PDE1B: variants seen among roughly 807,000 people sequenced by gnomAD.
PDE1B encodes dual specificity calcium/calmodulin-dependent 3',5'-cyclic nucleotide phosphodiesterase 1B.
A neutral mutation model predicts 66.7 loss-of-function variants in PDE1B; 13 were observed. The observed-to-expected ratio is 0.19, with a 90% CI of 0.13 to 0.31. PDE1B has a LOEUF of 0.31. Among genes scored for constraint, PDE1B ranks in the 10% least tolerant of loss-of-function variants. The pLI is 1.00. For missense variants in PDE1B, 485 were observed against 682.3 expected (o/e 0.71, Z 3.22); for synonymous variants, 230 against 253.9 (o/e 0.91, Z 0.90).
At chr12:54,576,870 T>C in intron 14 of PDE1B, 169 bp downstream of exon 14, 1 of 697,396 alleles carries the variant, frequency 1.4e-6, no homozygotes, top group Admixed American at 2.6e-5. Flanking sequence ...CTGAGTGGCC[T>C]GGAATGTTCT....
Position 54,569,733 on chromosome 12 carries a change from G to A in PDE1B, c.477+121G>A, listed in dbSNP as rs900275419. 1.6e-5 allele frequency: 11 copies of A among 678,354 alleles called. No homozygotes were observed. The highest frequency in any genetic ancestry group is 9.2e-5 in the Admixed American group (4 of 43,254). 42.0% of individuals were successfully genotyped at this position (678,354 alleles called of 1,614,324 possible). A position where few individuals can be genotyped will look rare whatever the true frequency, so the allele number is the denominator to read the frequency against. On this transcript the variant is annotated intron_variant, in intron 5 of 15. Transcript: ENST00000243052. The surrounding 1 kb of genome is among the most constrained non-coding windows in gnomAD (Gnocchi z 4.4). ...TTTTTTTTTTTTGAAATGGAGTCTC[G>A]CTCTTGTCACTCAGGCTGGAGTGCA...
In PDE1B at chr12:54,579,178, C is replaced by T; in HGVS notation, c.*1336C>T. ...AAGGGCAGAGACGCATGTGACTCAC[C>T]CCTGCCCTTGGTTTCCCAGACCCCT... On this transcript the variant is annotated 3_prime_UTR_variant, in exon 16 of 16. Transcript: ENST00000243052. The T allele has an allele frequency of 1.3e-5, 12 of 902,524 alleles. No individual in the cohort carries two copies. Among genetic ancestry groups the T allele is most frequent in the Non-Finnish European group, 1.6e-5 (12 of 754,528 alleles). 55.9% of individuals were successfully genotyped at this position (902,524 alleles called of 1,614,324 possible).
rs747406673 is a variant in PDE1B at position 54,579,165 on chromosome 12, G to C, written c.*1323G>C. 7 of 764,584 alleles carry C rather than the reference G, an allele frequency of 9.2e-6. No homozygotes were observed. The highest frequency in any genetic ancestry group is 1.1e-5 in the Non-Finnish European group (7 of 628,990). 47.4% of individuals were successfully genotyped at this position (764,584 alleles called of 1,614,324 possible). On this transcript the variant is annotated 3_prime_UTR_variant, in exon 16 of 16. Transcript: ENST00000243052. ...ACCCCACCCCGAGAAGGGCAGAGAC[G>C]CATGTGACTCACCCCTGCCCTTGGT...
Position 54,575,002 on chromosome 12 carries a change from T to A in PDE1B, c.1065-96T>A. 1.0e-6 allele frequency: 1 copy of A among 966,292 alleles called. No homozygotes were observed. Among genetic ancestry groups the A allele is most frequent in the South Asian group, 1.8e-5 (1 of 56,776 alleles). The allele number at this position is 966,292 out of a possible 1,614,324, so 59.9% of individuals were successfully genotyped here. Reference sequence around the variant, plus strand: ...AAAAAAAAAAAAAAAAAGGAAGAAGTTATGTGATAGGGTGTGCGTGGGAAG... The same window carrying A: ...AAAAAAAAAAAAAAAAAGGAAGAAGATATGTGATAGGGTGTGCGTGGGAAG... On this transcript the variant is annotated intron_variant, in intron 10 of 15. Coordinates refer to ENST00000243052, the MANE Select transcript of PDE1B (RefSeq NM_000924.4). The surrounding 1 kb of genome is among the most constrained non-coding windows in gnomAD (Gnocchi z 4.0).
At chr12:54,551,768 A>G (rs1490894549) in intron 2 of PDE1B, among the ~76,000 whole-genome samples, 1 of 152,174 alleles carries the variant, frequency 6.6e-6, no homozygotes, top group African/African-American at 2.4e-5. Flanking sequence ...GTGGTGAGAG[A>G]AGAGGATTCC....
intron 2 of PDE1B, among the ~76,000 whole-genome samples, chr12:54,553,107 C>A (rs1175443575): frequency 1.3e-5 from 2 of 152,218 alleles, no homozygotes; most frequent in African/African-American, 4.8e-5. Flanking sequence ...GAGCTTGTAA[C>A]CTGCTTCAAC....
rs1166959242 is a variant in PDE1B, at chr12:54,550,086, C to T, written c.113+101C>T. On this transcript the variant is annotated intron_variant, in intron 2 of 15. Coordinates refer to ENST00000243052, the MANE Select transcript of PDE1B (RefSeq NM_000924.4). ...GCAGGGCTGTGGGCTGGTAGATTCTCTTTGGCACAGATGTTGGCAGGTGCG... is the reference window on the plus strand; with the variant it reads ...GCAGGGCTGTGGGCTGGTAGATTCTTTTTGGCACAGATGTTGGCAGGTGCG... The T allele has an allele frequency of 2.0e-6, 3 of 1,489,956 alleles. No homozygotes were observed. In the African/African-American group the frequency reaches 4.2e-5, roughly 21 times the overall value. 92.3% of individuals were successfully genotyped at this position (1,489,956 alleles called of 1,614,324 possible).
chr12:54,561,776 G>A (rs887130595), intron 2 of PDE1B: 2 of 523,620 alleles, frequency 3.8e-6, no homozygotes, highest in African/African-American at 2.0e-5. Flanking sequence ...GTGTGTGTGT[G>A]TGTGTGCGCG....
At chr12:54,552,577 A>G (rs1957293085) in intron 2 of PDE1B, among the ~76,000 whole-genome samples, 1 of 152,354 alleles carries the variant, frequency 6.6e-6, no homozygotes, top group African/African-American at 2.4e-5. Context: ...CTAATATAAT[A>G]GTGCAGGGCA....
intron 2 of PDE1B, chr12:54,561,597 GTT>G (rs1491535658): frequency 2.0e-6 from 3 of 1,533,072 alleles, no homozygotes; most frequent in Non-Finnish European, 2.6e-6. Context: ...GGCAAACCCT[GTT>G]CCTGTTCAGA....
At chr12:54,561,613 G>A (rs1565694834) in intron 2 of PDE1B, 4 of 1,533,346 alleles carry the variant, frequency 2.6e-6, no homozygotes, top group Admixed American at 2.0e-5. Context: ...GTTCAGAGGA[G>A]CCACCTCCAG....
Position 54,576,021 on chromosome 12 carries a change from T to C in PDE1B, c.1297T>C (p.Phe433Leu). ...CATCGACTTCATTGTGGAGCCCACATTCTCTGTGCTGACTGACGTGGCAGA... is the reference window on the plus strand; with the variant it reads ...CATCGACTTCATTGTGGAGCCCACACTCTCTGTGCTGACTGACGTGGCAGA... ...GFIDFIVEPT[F>L]SVLTDVAEKS... The change falls in exon 13 of 16, where the codon TTC (phenylalanine) becomes CTC (leucine). Residue 433 changes from phenylalanine to leucine, a missense_variant. Physicochemically the swap from Phe to Leu is conservative, Grantham distance 22 (BLOSUM62 0). Transcript: ENST00000243052. 1.2e-6 allele frequency: 2 copies of C among 1,613,930 alleles called. No homozygotes were observed. The highest frequency in any genetic ancestry group is 1.7e-6 in the Non-Finnish European group (2 of 1,179,734).
At chr12:54,554,791 G>A (rs1394954620) in intron 2 of PDE1B, among the ~76,000 whole-genome samples, 1 of 152,128 alleles carries the variant, frequency 6.6e-6, no homozygotes, top group Non-Finnish European at 1.5e-5. Flanking sequence ...AAGTCACATA[G>A]TCTCTCTGAG....
intron 2 of PDE1B, among the ~76,000 whole-genome samples, chr12:54,566,693 C>T (rs896935634): frequency 1.3e-5 from 2 of 152,178 alleles, no homozygotes; most frequent in African/African-American, 4.8e-5. Context: ...AGACTAAGCA[C>T]TGACTAAAGA....
At position 54,549,729 on chromosome 12, in the gene PDE1B, C is replaced by G. The variant is rs2121008555; in HGVS notation, c.-57C>G. ...GGAGCTGCAGCTCTGCCAGCTTGGG[C>G]CGAGCCTAGAGACACCGGCCTGGCT... On this transcript the variant is annotated 5_prime_UTR_variant, in exon 1 of 16. Transcript: ENST00000243052. The G allele has an allele frequency of 1.8e-6, 1 of 571,194 alleles. No homozygotes were observed. Among genetic ancestry groups the G allele is most frequent in the Admixed American group, 3.1e-5 (1 of 31,808 alleles). The allele number at this position is 571,194 out of a possible 1,614,324, so 35.4% of individuals were successfully genotyped here.
At chr12:54,553,679 G>A (rs1246272460) in intron 2 of PDE1B, among the ~76,000 whole-genome samples, 1 of 152,182 alleles carries the variant, frequency 6.6e-6, no homozygotes, top group Non-Finnish European at 1.5e-5. Flanking sequence ...CGTGTTTGTT[G>A]AGTGGCGGGG....
intron 6 of PDE1B, 133 bp from the exon 7 acceptor site, chr12:54,572,468 G>A: frequency 1.2e-6 from 1 of 833,746 alleles, no homozygotes; most frequent in Non-Finnish European, 2.0e-6. Flanking sequence ...TATGAGCCAG[G>A]TTCACCTAAC....
chr12:54,561,665 G>C (rs1184405819), intron 2 of PDE1B: 8 of 1,493,376 alleles, frequency 5.4e-6, no homozygotes, highest in Non-Finnish European at 7.2e-6. Flanking sequence ...GAAGAGGAAG[G>C]GGGAGGAGGG....
chr12:54,561,838 C>T (rs958783584), intron 2 of PDE1B, among the ~76,000 whole-genome samples: 1 of 151,356 alleles, frequency 6.6e-6, no homozygotes, highest in Admixed American at 6.6e-5. Context: ...TTATTCTCCT[C>T]CCATTTCCAT....
Sources: gnomAD v4.1 joint callset for allele counts (sites outside exome capture counted in the v4.1 genomes callset) on GRCh38, gnomAD v4.1.1 for gene constraint, Gnocchi (gnomAD v3.1) non-coding constraint, MANE v1.5 for transcripts, NCBI Gene and HGNC (gene_info 2026-07-23, HGNC 2026-07-21) for gene names.